The following KIF13B variants were observed in gnomAD, a reference collection of about 807,000 sequenced individuals.
KIF13B encodes the protein kinesin-like protein KIF13B.
A neutral mutation model predicts 222.0 loss-of-function variants in KIF13B; 127 were observed. The observed-to-expected ratio is 0.57, with a 90% CI of 0.50 to 0.66. The LOEUF (loss-of-function observed/expected upper bound fraction) is 0.66. KIF13B is among the 30% of genes least tolerant of loss of function. The pLI, the probability that KIF13B is intolerant of heterozygous loss-of-function variation, is 0.00. For synonymous variants in KIF13B, 976 were observed against 919.0 expected, an observed-to-expected ratio of 1.06 and a Z score of -1.12; for missense variants, 2,173 against 2,379.0, an observed-to-expected ratio of 0.91 and a Z score of 1.80.
At chr8:29,155,343 C>T (rs531500384) in intron 14 of KIF13B, among the ~76,000 whole-genome samples, 2 of 152,298 alleles carry the variant, frequency 1.3e-5, no homozygotes, top group South Asian at 4.1e-4. Flanking sequence ...CTTAACCCTG[C>T]AGACCCAACA....
At chr8:29,148,823 C>T in intron 15 of KIF13B, 56 bp from the exon 16 acceptor site, 1 of 1,416,918 alleles carries the variant, frequency 7.1e-7, no homozygotes. Context: ...TTATTCATGT[C>T]ATTCATTAAG....
At chr8:29,209,689 A>T (rs1216028990) in intron 2 of KIF13B, among the ~76,000 whole-genome samples, 1 of 152,154 alleles carries the variant, frequency 6.6e-6, no homozygotes, top group Non-Finnish European at 1.5e-5. Flanking sequence ...TGGACATACA[A>T]CTAAAAGGTG....
Position 29,122,662 on chromosome 8 carries a change from C to T in KIF13B, c.3480-16G>A, listed in dbSNP as rs147822773. 1.4e-5 allele frequency: 22 copies of T among 1,598,620 alleles called. No individual in the cohort carries two copies. In the East Asian group the frequency reaches 4.7e-4, roughly 34 times the overall value. On this transcript the variant is annotated splice_polypyrimidine_tract_variant and intron_variant, in intron 28 of 39. Transcript: ENST00000524189. ...TACTGGGGTCCTAAAACGGGAAGAA[C>T]AAATGGCATCTGCCTCAGGTTACTT...
chr8:29,227,628 G>A (rs1246999112), intron 2 of KIF13B, among the ~76,000 whole-genome samples: 1 of 152,140 alleles, frequency 6.6e-6, no homozygotes, highest in Non-Finnish European at 1.5e-5. Flanking sequence ...GACTGTCAAA[G>A]GGTTCATGAC....
intron 35 of KIF13B, among the ~76,000 whole-genome samples, chr8:29,105,663 T>TTTTG (rs1809029414): frequency 7.7e-6 from 1 of 130,210 alleles, no homozygotes. Flanking sequence ...TTTTTTTTTT[T>TTTTG]TTTTTTTTTT....
chr8:29,230,796 A>G (rs57067863), intron 2 of KIF13B, among the ~76,000 whole-genome samples: 19,367 of 152,250 alleles, frequency 0.13, 1,321 homozygotes, highest in Non-Finnish European at 0.15. Flanking sequence ...TGAAAGCAGA[A>G]TCTGAAACCC....
chr8:29,228,375 G>A (rs1815121577), intron 2 of KIF13B, among the ~76,000 whole-genome samples: 1 of 151,060 alleles, frequency 6.6e-6, no homozygotes, highest in African/African-American at 2.4e-5. Flanking sequence ...GCTGAGGCAA[G>A]AGAATAGCGT....
At chr8:29,143,308 C>T (rs528537198) in intron 18 of KIF13B, among the ~76,000 whole-genome samples, 1 of 152,188 alleles carries the variant, frequency 6.6e-6, no homozygotes, top group East Asian at 1.9e-4. Flanking sequence ...GGGGAAGAAA[C>T]GTCCCTCTCA....
chr8:29,104,638 T>C (rs1208480536), intron 35 of KIF13B, among the ~76,000 whole-genome samples: 1 of 152,196 alleles, frequency 6.6e-6, no homozygotes, highest in African/African-American at 2.4e-5. Flanking sequence ...AGTCCTTCCA[T>C]GGTGTCCAAC....
At chr8:29,089,885 CAAAAAAAAAAAA>C (rs11307766) in intron 37 of KIF13B, among the ~76,000 whole-genome samples, 1 of 118,154 alleles carries the variant, frequency 8.5e-6, no homozygotes, top group Non-Finnish European at 1.8e-5. Context: ...GACTCTGTCT[CAAAAAAAAAAAA>C]AAAAAAGAAA....
chr8:29,147,972 C>T (rs1490139301), intron 16 of KIF13B, among the ~76,000 whole-genome samples: 3 of 152,250 alleles, frequency 2.0e-5, no homozygotes, highest in East Asian at 3.9e-4. Flanking sequence ...CCGAGGTGGG[C>T]GGATCACCTG....
intron 35 of KIF13B, among the ~76,000 whole-genome samples, chr8:29,104,777 G>A (rs568917122): frequency 2.6e-4 from 39 of 151,542 alleles, no homozygotes; most frequent in African/African-American, 9.0e-4. Flanking sequence ...ACAGAGTCTC[G>A]CTGTCGCCCA....
chr8:29,094,273 G>A (rs1182662572), intron 36 of KIF13B, among the ~76,000 whole-genome samples: 4 of 152,074 alleles, frequency 2.6e-5, no homozygotes, highest in South Asian at 2.1e-4. Context: ...ACAGTCTCAC[G>A]GGAACACAAC....
chr8:29,223,735 A>G (rs528549218), intron 2 of KIF13B, among the ~76,000 whole-genome samples: 1 of 152,340 alleles, frequency 6.6e-6, no homozygotes, highest in South Asian at 2.1e-4. Flanking sequence ...TCTTTGAGAC[A>G]GGCTGGAGTC....
chr8:29,119,101 C>A, intron 29 of KIF13B, 109 bp from the exon 30 acceptor site: 1 of 1,193,740 alleles, frequency 8.4e-7, no homozygotes, highest in Non-Finnish European at 1.2e-6. Context: ...ATTTCATTTG[C>A]TTTTTGCTCT....
intron 37 of KIF13B, 142 bp downstream of exon 37, chr8:29,092,603 A>G: frequency 2.5e-6 from 2 of 795,186 alleles, no homozygotes; most frequent in Non-Finnish European, 1.9e-6. Context: ...AGTGGCGGAG[A>G]AAAGACCGAC....
At chr8:29,179,157 T>C (rs1010435894) in intron 8 of KIF13B, among the ~76,000 whole-genome samples, 2 of 151,798 alleles carry the variant, frequency 1.3e-5, no homozygotes, top group African/African-American at 4.8e-5. Context: ...AGAGTCTTGC[T>C]CTGTTGCCCA....
intron 3 of KIF13B, among the ~76,000 whole-genome samples, chr8:29,194,259 T>C (rs1171426949): frequency 1.3e-5 from 2 of 151,938 alleles, no homozygotes; most frequent in African/African-American, 4.8e-5. Context: ...AGATAGGTTC[T>C]AAATGGCACT....
chr8:29,191,341 T>C (rs1350823602), intron 3 of KIF13B, among the ~76,000 whole-genome samples: 1 of 151,216 alleles, frequency 6.6e-6, no homozygotes, highest in East Asian at 1.9e-4. Context: ...TTTATTTTTT[T>C]GCAGCGAAAT....
Sources: allele counts gnomAD v4.1 joint callset (sites outside exome capture counted in the v4.1 genomes callset), GRCh38; gene constraint gnomAD v4.1.1; transcripts MANE v1.5; gene names NCBI Gene and HGNC (gene_info 2026-07-23, HGNC 2026-07-21).